SLC1A3: variants seen among roughly 807,000 people sequenced by gnomAD.
SLC1A3 encodes solute carrier family 1 member 3.
Under a neutral mutation model 48.1 loss-of-function variants are expected in SLC1A3, and 21 were observed. The ratio of observed to expected loss-of-function variants is 0.44; its 90% CI spans 0.31 to 0.63. The LOEUF (loss-of-function observed/expected upper bound fraction) is 0.63. SLC1A3 is among the 20% of genes least tolerant of loss of function. SLC1A3 has a pLI of 0.08. For synonymous variants in SLC1A3, 239 were observed against 251.4 expected (o/e 0.95, Z 0.47); for missense variants, 546 against 689.0 (o/e 0.79, Z 2.32).
chr5:36,668,852 T>C (rs1707495718), intron 3 of SLC1A3: 1 of 152,232 alleles, frequency 6.6e-6, no homozygotes, highest in South Asian at 2.1e-4. Context: ...CCTATCCCTC[T>C]CCCTATGGTG....
chr5:36,608,145 C>G (rs1739034572), intron 1 of SLC1A3, 184 bp from the exon 2 acceptor site: 1 of 388,420 alleles, frequency 2.6e-6, no homozygotes, highest in South Asian at 4.8e-5. Context: ...CGAATTTATG[C>G]ACATTTCTCA....
At chr5:36,651,063 G>T (rs1380998902) in intron 3 of SLC1A3, among the ~76,000 whole-genome samples, 5 of 147,378 alleles carry the variant, frequency 3.4e-5, no homozygotes, top group African/African-American at 1.3e-4. Flanking sequence ...ATGTATTCCT[G>T]GTAAAAGAAC....
chr5:36,625,329 A>G (rs1252318671), intron 2 of SLC1A3, among the ~76,000 whole-genome samples: 1 of 152,116 alleles, frequency 6.6e-6, no homozygotes, highest in Non-Finnish European at 1.5e-5. Context: ...CTGTTGGTTC[A>G]TGCCTGTAAT....
upstream of SLC1A3, among the ~76,000 whole-genome samples, chr5:36,604,066 G>T (rs1218514037): frequency 2.0e-5 from 3 of 148,766 alleles, no homozygotes; most frequent in African/African-American, 5.2e-5. Flanking sequence ...GTTGGATTTG[G>T]TTATTTCTTG....
chr5:36,678,825 A>C (rs967720839), intron 6 of SLC1A3, among the ~76,000 whole-genome samples: 1 of 152,236 alleles, frequency 6.6e-6, no homozygotes, highest in Non-Finnish European at 1.5e-5. Flanking sequence ...GGGAATAATG[A>C]CTTCATTAGA....
intron 3 of SLC1A3, among the ~76,000 whole-genome samples, chr5:36,662,730 C>A (rs982218312): frequency 6.6e-6 from 1 of 152,154 alleles, no homozygotes; most frequent in African/African-American, 2.4e-5. Flanking sequence ...GAGTTTCCGG[C>A]GACCTCGCTG....
intron 2 of SLC1A3, among the ~76,000 whole-genome samples, chr5:36,616,639 T>C (rs1356315174): frequency 6.6e-6 from 1 of 152,228 alleles, no homozygotes; most frequent in Non-Finnish European, 1.5e-5. Context: ...CAGAACCTTG[T>C]ATGATGAGGC....
At chr5:36,631,801 T>C (rs932931348) in intron 3 of SLC1A3, among the ~76,000 whole-genome samples, 3 of 152,274 alleles carry the variant, frequency 2.0e-5, no homozygotes, top group African/African-American at 7.2e-5. Context: ...CTTTATGGTT[T>C]TGAATACAAT....
In SLC1A3 at chr5:36,618,160, T is replaced by G. The variant is rs183382225; in HGVS notation, c.181+9556T>G. Reference sequence around the variant, plus strand: ...AATCAGGTAGATGCAGGTATCTCCCTGCTTCTAAAGCCCAAATTTAATCCA... The same window carrying G: ...AATCAGGTAGATGCAGGTATCTCCCGGCTTCTAAAGCCCAAATTTAATCCA... On this transcript the variant is annotated intron_variant, in intron 2 of 9. Coordinates refer to ENST00000265113, the MANE Select transcript of SLC1A3 (RefSeq NM_004172.5). 1.5e-3 allele frequency among the ~76,000 whole-genome samples: 225 copies of G among 152,342 alleles called. 1 individual carries two copies. Among genetic ancestry groups the G allele is most frequent in the African/African-American group, 5.3e-3 (219 of 41,594 alleles).
intron 2 of SLC1A3, among the ~76,000 whole-genome samples, chr5:36,617,831 C>T (rs1004342191): frequency 1.3e-5 from 2 of 152,162 alleles, no homozygotes; most frequent in African/African-American, 4.8e-5. Context: ...AGTCTTTAGA[C>T]ATTTTTATTT....
intron 2 of SLC1A3, among the ~76,000 whole-genome samples, chr5:36,611,723 A>G (rs772349595): frequency 6.6e-6 from 1 of 152,140 alleles, no homozygotes; most frequent in Non-Finnish European, 1.5e-5. Context: ...CAAAAACCAC[A>G]CTGGGAAGAG....
chr5:36,604,621 C>A (rs566684136), upstream of SLC1A3, among the ~76,000 whole-genome samples: 170 of 152,100 alleles, frequency 1.1e-3, no homozygotes, highest in African/African-American at 4.0e-3. Flanking sequence ...CAACAGAATA[C>A]CAGACTCCCA....
chr5:36,686,173 C>T lies in SLC1A3; in HGVS notation c.1533C>T (p.Asn511=). The change falls in exon 10 of 10, where the codon AAC becomes AAT. Residue 511 remains asparagine, a synonymous_variant. Transcript: ENST00000265113. ...ELKNRDVEMG[N]SVIEENEMKK... ...AGAACAGAGATGTTGAAATGGGTAA[C>T]TCAGTGATTGAAGAGAATGAAATGA... is the stretch of plus-strand genomic sequence containing the variant. The T allele has an allele frequency of 1.2e-6, 2 of 1,613,914 alleles. No homozygotes were observed. The highest frequency in any genetic ancestry group is 1.6e-4 in the Middle Eastern group (1 of 6,062).
chr5:36,638,373 C>G (rs888654040), intron 3 of SLC1A3, among the ~76,000 whole-genome samples: 1 of 152,220 alleles, frequency 6.6e-6, no homozygotes. Context: ...GTCCCTCTCT[C>G]AACGTCCTAA....
At chr5:36,675,758 G>A (rs1742180296) in intron 5 of SLC1A3, among the ~76,000 whole-genome samples, 1 of 152,226 alleles carries the variant, frequency 6.6e-6, no homozygotes, top group Non-Finnish European at 1.5e-5. Flanking sequence ...GCTACTAACT[G>A]TTCATGAATG....
In SLC1A3 at chr5:36,671,250, C is replaced by T; in HGVS notation, c.524+17C>T. On this transcript the variant is annotated intron_variant, in intron 4 of 9. Coordinates refer to ENST00000265113, the MANE Select transcript of SLC1A3 (RefSeq NM_004172.5). ...CTTGATCAGGTATGTCCTTGCAAGC[C>T]CGTCCTTTGGGGTGTATTTTCGCCA... 6.3e-7 allele frequency: 1 copy of T among 1,596,394 alleles called. No homozygotes were observed. The highest frequency in any genetic ancestry group is 8.6e-7 in the Non-Finnish European group (1 of 1,164,914).
rs370764753 is a variant in SLC1A3 at position 36,616,614 on chromosome 5, G to A, written c.181+8010G>A. On this transcript the variant is annotated intron_variant, in intron 2 of 9. Transcript: ENST00000265113. Reference sequence around the variant, plus strand: ...ACAGAGAAGACAGCCGGCTGTTAGCGAGAGACTTCTTATTCAGAACCTTGT... The same window carrying A: ...ACAGAGAAGACAGCCGGCTGTTAGCAAGAGACTTCTTATTCAGAACCTTGT... 2.1e-4 allele frequency among the ~76,000 whole-genome samples: 32 copies of A among 152,310 alleles called. 1 individual carries two copies. The South Asian group carries it at 6.6e-3, about 32-fold the overall frequency.
At chr5:36,679,334 C>T (rs1742337084) in intron 6 of SLC1A3, among the ~76,000 whole-genome samples, 1 of 152,160 alleles carries the variant, frequency 6.6e-6, no homozygotes, top group Non-Finnish European at 1.5e-5. Flanking sequence ...AGCTCTGTAT[C>T]TGCCTTTTCC....
intron 8 of SLC1A3, 110 bp downstream of exon 8, chr5:36,680,699 C>G (rs1742407607): frequency 2.3e-6 from 2 of 884,972 alleles, no homozygotes; most frequent in Admixed American, 3.6e-5. Flanking sequence ...GGGTGGATCT[C>G]CTGAGGCCAG....
Sources: allele counts gnomAD v4.1 joint callset (sites outside exome capture counted in the v4.1 genomes callset), GRCh38; gene constraint gnomAD v4.1.1; transcripts MANE v1.5; gene names NCBI Gene and HGNC (gene_info 2026-07-23, HGNC 2026-07-21).